The following ARB2A variants were observed in gnomAD, a reference collection of about 807,000 sequenced individuals.
ARB2A encodes ARB2 cotranscriptional regulator A, also known as cotranscriptional regulator ARB2A.
chr5:93,938,303 C>CA, the ARB2A span, among the ~76,000 whole-genome samples: 7 of 151,608 alleles, frequency 4.6e-5, no homozygotes, highest in Non-Finnish European at 8.8e-5. Context: ...AATTTAATCA[C>CA]AAAAAAAAGT....
the ARB2A span, chr5:93,866,327 T>A: frequency 2.1e-6 from 2 of 969,072 alleles, no homozygotes; most frequent in Non-Finnish European, 2.5e-6. Flanking sequence ...TTCCCCTTAG[T>A]TCTTAAAATT....
the ARB2A span, among the ~76,000 whole-genome samples, chr5:93,771,870 A>G: frequency 6.6e-6 from 1 of 152,350 alleles, no homozygotes; most frequent in African/African-American, 2.4e-5. Context: ...ACTGTAAACT[A>G]GTTCAACCTT....
the ARB2A span, chr5:93,621,058 C>T: frequency 1.2e-6 from 2 of 1,612,366 alleles, no homozygotes; most frequent in Admixed American, 1.7e-5. Context: ...GTCTTGGCCT[C>T]TGAGGCTTCG....
At chr5:93,856,569 C>T in the ARB2A span, among the ~76,000 whole-genome samples, 8 of 152,168 alleles carry the variant, frequency 5.3e-5, no homozygotes, top group South Asian at 2.1e-4. Flanking sequence ...TCCAGTTGAT[C>T]GCATCAGCTC....
the ARB2A span, among the ~76,000 whole-genome samples, chr5:93,879,637 A>C: frequency 6.6e-6 from 1 of 151,982 alleles, no homozygotes; most frequent in Admixed American, 6.6e-5. Context: ...GATGTGAAAA[A>C]CAGAATAAAG....
At chr5:93,793,263 T>TTTTTTC in the ARB2A span, among the ~76,000 whole-genome samples, 1 of 137,922 alleles carries the variant, frequency 7.3e-6, no homozygotes, top group East Asian at 2.1e-4. Flanking sequence ...TTTTTTTTTT[T>TTTTTTC]GGTAGAAACA....
chr5:93,765,802 G>A, the ARB2A span, among the ~76,000 whole-genome samples: 7 of 151,984 alleles, frequency 4.6e-5, no homozygotes, highest in African/African-American at 1.2e-4. Context: ...ACAAGGCTAT[G>A]GTAACCAAAA....
At chr5:93,961,372 G>C in the ARB2A span, among the ~76,000 whole-genome samples, 1 of 152,120 alleles carries the variant, frequency 6.6e-6, no homozygotes, top group Non-Finnish European at 1.5e-5. Flanking sequence ...CTGGCACTTT[G>C]AAGTCCACAG....
At chr5:94,010,463 T>G in the ARB2A span, among the ~76,000 whole-genome samples, 2 of 152,138 alleles carry the variant, frequency 1.3e-5, no homozygotes, top group Non-Finnish European at 2.9e-5. Flanking sequence ...GAATATGGTC[T>G]CATTGTAAAA....
chr5:93,909,825 T>C, the ARB2A span, among the ~76,000 whole-genome samples: 1 of 151,042 alleles, frequency 6.6e-6, no homozygotes, highest in East Asian at 1.9e-4. Context: ...TATATAATTG[T>C]ATATAACAAT....
chr5:94,089,912 A>G, the ARB2A span, among the ~76,000 whole-genome samples: 3 of 152,160 alleles, frequency 2.0e-5, no homozygotes, highest in Non-Finnish European at 2.9e-5. Flanking sequence ...CAAAACGACT[A>G]TTTACACAAT....
At chr5:94,022,276 C>A in the ARB2A span, among the ~76,000 whole-genome samples, 3 of 152,124 alleles carry the variant, frequency 2.0e-5, no homozygotes, top group Admixed American at 6.5e-5. Context: ...GGTGCTCACT[C>A]CAGTTAGCCA....
At chr5:93,759,360 G>C in the ARB2A span, among the ~76,000 whole-genome samples, 1 of 152,052 alleles carries the variant, frequency 6.6e-6, no homozygotes, top group African/African-American at 2.4e-5. Flanking sequence ...TATTCCATAA[G>C]ATAGAGAAAG....
the ARB2A span, among the ~76,000 whole-genome samples, chr5:94,003,093 T>C: frequency 6.6e-6 from 1 of 152,144 alleles, no homozygotes; most frequent in Non-Finnish European, 1.5e-5. Context: ...AATAACCATA[T>C]GCAAATTCCA....
the ARB2A span, among the ~76,000 whole-genome samples, chr5:93,647,831 G>T: frequency 6.6e-6 from 1 of 152,108 alleles, no homozygotes; most frequent in South Asian, 2.1e-4. Context: ...GTGCAGGATC[G>T]CATTTTGAAA....
chr5:93,725,980 C>A, the ARB2A span, among the ~76,000 whole-genome samples: 127 of 152,124 alleles, frequency 8.3e-4, no homozygotes, highest in Middle Eastern at 6.8e-3. Flanking sequence ...ACATAGCAGG[C>A]CTCAGGCTTT....
the ARB2A span, among the ~76,000 whole-genome samples, chr5:93,902,594 T>A: frequency 1.3e-5 from 2 of 152,054 alleles, no homozygotes; most frequent in Admixed American, 6.6e-5. Context: ...GAGTTTGAAA[T>A]CTAAATATAT....
the ARB2A span, among the ~76,000 whole-genome samples, chr5:93,652,519 C>T: frequency 6.6e-6 from 1 of 152,150 alleles, no homozygotes; most frequent in Admixed American, 6.5e-5. Flanking sequence ...TGGTTGACTA[C>T]ATTTAGCAAA....
chr5:94,060,127 A>G, the ARB2A span, among the ~76,000 whole-genome samples: 1 of 152,184 alleles, frequency 6.6e-6, no homozygotes, highest in Non-Finnish European at 1.5e-5. Context: ...TGGAAGGCCA[A>G]GGCAGGCAGA....
Sources: allele counts gnomAD v4.1 joint callset (sites outside exome capture counted in the v4.1 genomes callset), GRCh38; gene constraint gnomAD v4.1.1; transcripts MANE v1.5; gene names NCBI Gene and HGNC (gene_info 2026-07-23, HGNC 2026-07-21).